Variants in KCNJ6 observed in about 807,000 individuals in gnomAD.
KCNJ6 encodes the protein G protein-activated inward rectifier potassium channel 2.
A neutral mutation model predicts 34.2 loss-of-function variants in KCNJ6; 9 were observed. The ratio of observed to expected loss-of-function variants is 0.26; its 90% CI spans 0.16 to 0.46. The LOEUF is 0.46. Ranked by LOEUF, KCNJ6 falls within the 20% of genes least tolerant of loss-of-function variation. KCNJ6 has a pLI of 1.00. For synonymous variants in KCNJ6, 196 were observed against 207.1 expected (o/e 0.95, Z 0.46); for missense variants, 236 against 531.3 (o/e 0.44, Z 5.46).
intron 1 of KCNJ6, among the ~76,000 whole-genome samples, chr21:37,851,458 C>T (rs1475604971): frequency 6.6e-6 from 1 of 152,158 alleles, no homozygotes; most frequent in Non-Finnish European, 1.5e-5. Flanking sequence ...GTGACATTTA[C>T]TGGGGCTGGA....
intron 2 of KCNJ6, among the ~76,000 whole-genome samples, chr21:37,720,014 A>G (rs2054816363): frequency 6.6e-6 from 1 of 152,160 alleles, no homozygotes; most frequent in African/African-American, 2.4e-5. Flanking sequence ...CCTAGTTGAG[A>G]AAAACAGGAT....
intron 2 of KCNJ6, among the ~76,000 whole-genome samples, chr21:37,786,798 G>A (rs562818592): frequency 9.2e-5 from 14 of 152,294 alleles, no homozygotes; most frequent in East Asian, 1.9e-4. Context: ...AAATGGGGCC[G>A]TTGTGAGGAT....
intron 2 of KCNJ6, among the ~76,000 whole-genome samples, chr21:37,725,204 C>A (rs1246098522): frequency 6.6e-6 from 1 of 152,100 alleles, no homozygotes; most frequent in Non-Finnish European, 1.5e-5. Flanking sequence ...ACCAACCTGG[C>A]CAACATAGTG....
rs150380133 is a variant in KCNJ6 at position 37,796,270 on chromosome 21, G to T, written c.25+44388C>A. Among the ~76,000 whole-genome samples the T allele has an allele frequency of 3.0e-3, 452 of 152,270 alleles. 1 individual carries two copies. Among genetic ancestry groups the T allele is most frequent in the African/African-American group, 0.01 (433 of 41,558 alleles). On this transcript the variant is annotated intron_variant, in intron 2 of 3. Coordinates refer to ENST00000609713, the MANE Select transcript of KCNJ6 (RefSeq NM_002240.5). Reference sequence around the variant, plus strand: ...TGGATCAACAGCCTTCGCTCTGCCTGTTCTTAGGAGCTTGGTGTGTTGGAA... The same window carrying T: ...TGGATCAACAGCCTTCGCTCTGCCTTTTCTTAGGAGCTTGGTGTGTTGGAA...
At chr21:37,860,606 C>G (rs909107272) in intron 1 of KCNJ6, among the ~76,000 whole-genome samples, 2 of 152,186 alleles carry the variant, frequency 1.3e-5, no homozygotes, top group South Asian at 2.1e-4. Flanking sequence ...CTCCCTCCAC[C>G]CTCATTTCCC....
intron 2 of KCNJ6, among the ~76,000 whole-genome samples, chr21:37,821,686 A>C (rs754130356): frequency 4.6e-5 from 7 of 152,084 alleles, no homozygotes; most frequent in Non-Finnish European, 8.8e-5. Context: ...AGGGTACTTT[A>C]TTTCTTTATC....
At chr21:37,851,842 A>G (rs1205775028) in intron 1 of KCNJ6, among the ~76,000 whole-genome samples, 1 of 152,050 alleles carries the variant, frequency 6.6e-6, no homozygotes, top group Non-Finnish European at 1.5e-5. Flanking sequence ...AGAGGAAGCC[A>G]TACCAGCTAG....
rs911540082 is a variant in KCNJ6, at chr21:37,714,106, T to C, written c.946+105A>G. 7.9e-5 allele frequency: 64 copies of C among 810,524 alleles called. No homozygotes were observed. Among genetic ancestry groups the C allele is most frequent in the Middle Eastern group, 3.7e-4 (1 of 2,696 alleles). 50.2% of individuals were successfully genotyped at this position (810,524 alleles called of 1,614,324 possible). On this transcript the variant is annotated intron_variant, in intron 3 of 3. Transcript: ENST00000609713. This position sits in a 1 kb window ranked among gnomAD's most constrained non-coding sequence, Gnocchi z 5.9. ...ATGAAGCAAGGGGATGTTGTCAATA[T>C]TGAGTGAGGTTCAGTATTCTAGATC... is the stretch of plus-strand genomic sequence containing the variant.
At chr21:37,694,460 T>C (rs1414023370) in intron 3 of KCNJ6, among the ~76,000 whole-genome samples, 1 of 152,224 alleles carries the variant, frequency 6.6e-6, no homozygotes, top group Admixed American at 6.5e-5. Context: ...ACATTTTACA[T>C]ATAGGGATTT....
intron 2 of KCNJ6, among the ~76,000 whole-genome samples, chr21:37,744,686 TG>T (rs1425253575): frequency 6.6e-6 from 1 of 152,188 alleles, no homozygotes; most frequent in African/African-American, 2.4e-5. Context: ...TTATCTCCTA[TG>T]CAATGTTTTT....
intron 1 of KCNJ6, among the ~76,000 whole-genome samples, chr21:37,897,510 C>T (rs972318925): frequency 4.6e-5 from 7 of 152,234 alleles, no homozygotes; most frequent in Admixed American, 2.0e-4. Flanking sequence ...GCTTTAGCTG[C>T]TGACTGGCTC....
chr21:37,699,116 CGG>C, intron 3 of KCNJ6, among the ~76,000 whole-genome samples: 1 of 152,172 alleles, frequency 6.6e-6, no homozygotes, highest in East Asian at 1.9e-4. Context: ...GCTGTTGTGA[CGG>C]AGACTATCCA....
At chr21:37,638,649 A>G (rs916876481) in intron 3 of KCNJ6, among the ~76,000 whole-genome samples, 5 of 152,110 alleles carry the variant, frequency 3.3e-5, no homozygotes, top group African/African-American at 1.2e-4. Context: ...AAGCCTGTCC[A>G]TTCTTACCTC....
At chr21:37,753,718 C>G (rs186854835) in intron 2 of KCNJ6, among the ~76,000 whole-genome samples, 1 of 152,166 alleles carries the variant, frequency 6.6e-6, no homozygotes, top group African/African-American at 2.4e-5. Flanking sequence ...ACCTGCAGAT[C>G]GAGGGAACGC....
chr21:37,874,835 C>T (rs937203255), intron 1 of KCNJ6, among the ~76,000 whole-genome samples: 13 of 152,182 alleles, frequency 8.5e-5, no homozygotes, highest in African/African-American at 1.7e-4. Flanking sequence ...AATCCAAGCA[C>T]GGCTCCACCT....
intron 2 of KCNJ6, among the ~76,000 whole-genome samples, chr21:37,738,700 G>T (rs971095845): frequency 1.3e-5 from 2 of 152,154 alleles, no homozygotes. Context: ...TGAGCCCCAA[G>T]AAATGTTCTT....
chr21:37,701,260 C>G (rs759445193), intron 3 of KCNJ6, among the ~76,000 whole-genome samples: 1 of 152,070 alleles, frequency 6.6e-6, no homozygotes, highest in Non-Finnish European at 1.5e-5. Flanking sequence ...GGGGAACCAC[C>G]GAGGTTTTGA....
intron 3 of KCNJ6, among the ~76,000 whole-genome samples, chr21:37,655,391 A>G (rs1470435145): frequency 6.6e-6 from 1 of 152,164 alleles, no homozygotes; most frequent in East Asian, 1.9e-4. Flanking sequence ...TCATAGGCAA[A>G]TCAAAGCTGA....
intron 1 of KCNJ6, among the ~76,000 whole-genome samples, chr21:37,863,860 G>GTT (rs56800970): frequency 3.8e-4 from 31 of 81,098 alleles, no homozygotes; most frequent in Admixed American, 6.9e-4. Flanking sequence ...TTTTTTTTTT[G>GTT]TTTTTTTTTT....
Sources: gnomAD v4.1 joint callset for allele counts (sites outside exome capture counted in the v4.1 genomes callset) on GRCh38, gnomAD v4.1.1 for gene constraint, Gnocchi (gnomAD v3.1) non-coding constraint, MANE v1.5 for transcripts, NCBI Gene and HGNC (gene_info 2026-07-23, HGNC 2026-07-21) for gene names.